IL2RB: variants seen among roughly 807,000 people sequenced by gnomAD.
The protein encoded by IL2RB is interleukin-2 receptor subunit beta.
A neutral mutation model predicts 44.2 loss-of-function variants in IL2RB; 17 were observed. The observed-to-expected ratio is 0.38, with a 90% CI of 0.26 to 0.58. The LOEUF (loss-of-function observed/expected upper bound fraction) is 0.58, where lower values mean the gene tolerates loss of function less well. Among genes scored for constraint, IL2RB ranks in the 20% least tolerant of loss-of-function variants. The pLI, the probability that IL2RB is intolerant of heterozygous loss-of-function variation, is 0.63. For missense variants in IL2RB, 624 were observed against 685.5 expected (o/e 0.91, Z 1.00); for synonymous variants, 286 against 297.9 (o/e 0.96, Z 0.41).
At chr22:37,156,042 T>A (rs979258348) in intron 1 of IL2RB, among the ~76,000 whole-genome samples, 3 of 152,196 alleles carry the variant, frequency 2.0e-5, no homozygotes, top group African/African-American at 7.2e-5. Flanking sequence ...AGTCCTGGTA[T>A]CTGCCAAACG....
chr22:37,135,872 G>A (rs1050621973), intron 7 of IL2RB, among the ~76,000 whole-genome samples: 1 of 152,186 alleles, frequency 6.6e-6, no homozygotes, highest in Non-Finnish European at 1.5e-5. Flanking sequence ...GACATCACAC[G>A]CCTTCCTCAC....
chr22:37,159,817 C>T (rs1411231092), intron 1 of IL2RB, among the ~76,000 whole-genome samples: 1 of 152,154 alleles, frequency 6.6e-6, no homozygotes, highest in African/African-American at 2.4e-5. Context: ...GGAGAAGGAC[C>T]CCCCACTTTG....
At chr22:37,133,076 C>T (rs1921511164) in intron 8 of IL2RB, among the ~76,000 whole-genome samples, 1 of 152,206 alleles carries the variant, frequency 6.6e-6, no homozygotes, top group Non-Finnish European at 1.5e-5. Context: ...CCCAAAGGTT[C>T]CACACAGCTG....
chr22:37,144,463 T>C (rs1922130091), intron 1 of IL2RB, among the ~76,000 whole-genome samples: 1 of 152,222 alleles, frequency 6.6e-6, no homozygotes. Context: ...GCACCCGTCG[T>C]GGCCAGGCGT....
chr22:37,146,910 A>G (rs1364297274), intron 1 of IL2RB, among the ~76,000 whole-genome samples: 1 of 152,210 alleles, frequency 6.6e-6, no homozygotes, highest in Admixed American at 6.5e-5. Context: ...CCTGGCCCCA[A>G]GAGCCATGGG....
chr22:37,139,582 C>T (rs940092535), intron 4 of IL2RB, among the ~76,000 whole-genome samples: 3 of 152,156 alleles, frequency 2.0e-5, no homozygotes, highest in African/African-American at 7.2e-5. Flanking sequence ...ATGAAGTGAG[C>T]TACCTTGAGA....
At chr22:37,156,950 A>G (rs895038579) in intron 1 of IL2RB, among the ~76,000 whole-genome samples, 3 of 152,134 alleles carry the variant, frequency 2.0e-5, no homozygotes, top group African/African-American at 4.8e-5. Context: ...GTCTTCTGGA[A>G]AGTCAGCAGG....
intron 1 of IL2RB, among the ~76,000 whole-genome samples, chr22:37,169,411 AG>A (rs1250526612): frequency 1.3e-5 from 2 of 152,030 alleles, no homozygotes; most frequent in Non-Finnish European, 2.9e-5. Flanking sequence ...TTGCTTACAC[AG>A]GGGTTCTGTT....
intron 1 of IL2RB, among the ~76,000 whole-genome samples, chr22:37,159,574 G>A (rs988020452): frequency 2.6e-5 from 4 of 152,274 alleles, no homozygotes; most frequent in East Asian, 1.9e-4. Flanking sequence ...CTGCCTCTTG[G>A]TCTCTGCCTC....
chr22:37,136,136 C>A (rs967176618), intron 7 of IL2RB, 92 bp downstream of exon 7: 4 of 1,374,806 alleles, frequency 2.9e-6, no homozygotes, highest in Non-Finnish European at 4.0e-6. Flanking sequence ...ACTGCTATAC[C>A]CTCACCCCAG....
At chr22:37,150,529 T>A (rs1421295828), upstream of IL2RB, among the ~76,000 whole-genome samples, 1 of 152,230 alleles carries the variant, frequency 6.6e-6, no homozygotes, top group Non-Finnish European at 1.5e-5. Context: ...AATAATCACA[T>A]CAGGGTAAAT....
At chr22:37,169,059 G>C (rs1306675391) in intron 1 of IL2RB, among the ~76,000 whole-genome samples, 1 of 152,040 alleles carries the variant, frequency 6.6e-6, no homozygotes, top group Non-Finnish European at 1.5e-5. Context: ...AAGGGTTCTT[G>C]TTTTCAGAGG....
intron 1 of IL2RB, among the ~76,000 whole-genome samples, chr22:37,161,236 C>T (rs571267481): frequency 3.9e-5 from 6 of 152,294 alleles, no homozygotes; most frequent in South Asian, 2.1e-4. Context: ...CCACCACAGC[C>T]GGCCCATATG....
chr22:37,134,129 C>G (rs919373205), intron 8 of IL2RB, among the ~76,000 whole-genome samples: 1 of 151,194 alleles, frequency 6.6e-6, no homozygotes, highest in Non-Finnish European at 1.5e-5. Flanking sequence ...CAAAAATATT[C>G]AGGAAAAAAA....
rs1359983850 is a variant in IL2RB, at chr22:37,139,278, G to T, written c.283-56C>A. The T allele has an allele frequency of 2.5e-5, 31 of 1,238,204 alleles. No homozygotes were observed. The East Asian group carries it at 7.5e-4, about 30-fold the overall frequency. 76.7% of individuals were successfully genotyped at this position (1,238,204 alleles called of 1,614,324 possible). A position where few individuals can be genotyped will look rare whatever the true frequency, so the allele number is the denominator to read the frequency against. On this transcript the variant is annotated intron_variant, in intron 4 of 9. Transcript: ENST00000216223. ...TCTAGCAGCTTCAGGCAGGGGAAGGGGGAGGCCACCGGGATGACCTGGGAA... is the reference window on the plus strand; with the variant it reads ...TCTAGCAGCTTCAGGCAGGGGAAGGTGGAGGCCACCGGGATGACCTGGGAA...
Position 37,136,247 on chromosome 22 carries a change from G to C in IL2RB, c.684C>G (p.Ala228=), listed in dbSNP as rs952177681. The change falls in exon 7 of 10, where the codon GCC becomes GCG. Residue 228 remains alanine (A), a synonymous_variant. Transcript: ENST00000216223. ...TTWSPWSQPL[A]FRTKPAALGK... ...CAGTACCTGCAGGCTTTGTCCTGAAGGCCAGGGGCTGGCTCCAGGGGCTCC... is the reference window on the plus strand; with the variant it reads ...CAGTACCTGCAGGCTTTGTCCTGAACGCCAGGGGCTGGCTCCAGGGGCTCC... 1.1e-5 allele frequency: 17 copies of C among 1,611,350 alleles called. No homozygotes were observed. Among genetic ancestry groups the C allele is most frequent in the Admixed American group, 1.0e-4 (6 of 59,862 alleles).
upstream of IL2RB, among the ~76,000 whole-genome samples, chr22:37,153,107 G>A (rs139099427): frequency 6.6e-6 from 1 of 152,050 alleles, no homozygotes; most frequent in African/African-American, 2.4e-5. Context: ...GCTAATTTTT[G>A]TATTTTCAGT....
At chr22:37,140,870 G>A (rs1265575608) in intron 4 of IL2RB, among the ~76,000 whole-genome samples, 4 of 152,192 alleles carry the variant, frequency 2.6e-5, no homozygotes, top group Non-Finnish European at 5.9e-5. Context: ...CTTCCTGGCT[G>A]TGTGACCTTG....
chr22:37,135,460 A>T lies in IL2RB; in HGVS notation c.704-18T>A. 1 of 1,533,470 alleles carries T rather than the reference A, an allele frequency of 6.5e-7. No individual in the cohort carries two copies. Among genetic ancestry groups the T allele is most frequent in the Non-Finnish European group, 9.0e-7 (1 of 1,106,902 alleles). 95.0% of individuals were successfully genotyped at this position (1,533,470 alleles called of 1,614,324 possible). ...CCCAAGGGCTGCCCAGGGGTGGGAG[A>T]AACAGCAAGGAGAGGGGTTAGAGAA... On this transcript the variant is annotated intron_variant, in intron 7 of 9. Transcript: ENST00000216223.
Sources: allele counts gnomAD v4.1 joint callset (sites outside exome capture counted in the v4.1 genomes callset), GRCh38; gene constraint gnomAD v4.1.1; transcripts MANE v1.5; gene names NCBI Gene and HGNC (gene_info 2026-07-23, HGNC 2026-07-21).